The following LDLRAD3 variants were observed in gnomAD, a reference collection of about 807,000 sequenced individuals.
LDLRAD3 encodes low-density lipoprotein receptor class A domain-containing protein 3.
LDLRAD3 carries 20 observed loss-of-function variants against 29.4 expected under a neutral mutation model. That is an observed-to-expected ratio of 0.68 (90% CI 0.48 to 0.99). LDLRAD3 has a LOEUF of 0.99. Among genes scored for constraint, LDLRAD3 ranks in the 50% least tolerant of loss-of-function variants. The probability of loss-of-function intolerance (pLI) is 0.00; values close to 1 mark genes in which losing one functional copy is unlikely to be tolerated. For missense variants in LDLRAD3, 420 were observed against 454.3 expected, an observed-to-expected ratio of 0.92 and a Z score of 0.69; for synonymous variants, 157 against 192.7, an observed-to-expected ratio of 0.81 and a Z score of 1.53.
intron 1 of LDLRAD3, among the ~76,000 whole-genome samples, chr11:35,957,855 G>GTTATT (rs111861566): frequency 0.059 from 8,793 of 150,158 alleles, 814 homozygotes; most frequent in African/African-American, 0.2. Context: ...ACACATCTGT[G>GTTATT]TTATTTTAAG....
chr11:36,094,634 C>A (rs1379130080), intron 3 of LDLRAD3, among the ~76,000 whole-genome samples: 1 of 152,176 alleles, frequency 6.6e-6, no homozygotes, highest in Non-Finnish European at 1.5e-5. Context: ...CTCTCAGGCT[C>A]AAGTGATACT....
intron 4 of LDLRAD3, among the ~76,000 whole-genome samples, chr11:36,173,116 G>C (rs1472392488): frequency 6.6e-6 from 1 of 152,028 alleles, no homozygotes; most frequent in African/African-American, 2.4e-5. Context: ...GTGTGTGTAA[G>C]GGTATTCATA....
intron 1 of LDLRAD3, among the ~76,000 whole-genome samples, chr11:36,025,419 C>T (rs1383720401): frequency 1.0e-4 from 15 of 143,342 alleles, no homozygotes; most frequent in Non-Finnish European, 1.9e-4. Flanking sequence ...GATGGAGTCT[C>T]GCTCTCTCTC....
At chr11:36,070,761 C>T (rs895097436) in intron 2 of LDLRAD3, among the ~76,000 whole-genome samples, 5 of 152,138 alleles carry the variant, frequency 3.3e-5, no homozygotes, top group African/African-American at 1.2e-4. Context: ...CCTGGGGATC[C>T]TGCTGCAGGT....
At chr11:36,084,323 A>T (rs1256963551) in intron 3 of LDLRAD3, among the ~76,000 whole-genome samples, 1 of 152,172 alleles carries the variant, frequency 6.6e-6, no homozygotes, top group Non-Finnish European at 1.5e-5. Context: ...CCATTTAAAA[A>T]TAGTGGTTCT....
intron 4 of LDLRAD3, among the ~76,000 whole-genome samples, chr11:36,142,030 T>C (rs914591422): frequency 1.3e-5 from 2 of 152,246 alleles, no homozygotes; most frequent in African/African-American, 4.8e-5. Context: ...CAGGCTAACT[T>C]GTTCCATTTT....
intron 1 of LDLRAD3, among the ~76,000 whole-genome samples, chr11:35,987,187 A>G (rs1239221713): frequency 1.3e-5 from 2 of 152,240 alleles, no homozygotes; most frequent in Non-Finnish European, 1.5e-5. Context: ...GTTATGACAC[A>G]TTTGTATATC....
intron 4 of LDLRAD3, among the ~76,000 whole-genome samples, chr11:36,207,895 C>T (rs1855232251): frequency 6.6e-6 from 1 of 152,130 alleles, no homozygotes; most frequent in South Asian, 2.1e-4. Flanking sequence ...TTAGGTTTTA[C>T]TTTAACAACT....
At chr11:36,114,571 C>T (rs1853649051) in intron 4 of LDLRAD3, among the ~76,000 whole-genome samples, 1 of 152,190 alleles carries the variant, frequency 6.6e-6, no homozygotes, top group African/African-American at 2.4e-5. Context: ...GGTCAGTTGG[C>T]CTCAAATTTG....
rs576823608 is a variant in LDLRAD3 at position 35,948,469 on chromosome 11, T to C, written c.46+4325T>C. On this transcript the variant is annotated intron_variant, in intron 1 of 5. Coordinates refer to ENST00000315571, the MANE Select transcript of LDLRAD3 (RefSeq NM_174902.4). ...GTGTGTGTGTGTGTGTGTGTGTGTG[T>C]GCACATGCACACATGTGCATATGTA... Among the ~76,000 whole-genome samples the C allele has an allele frequency of 6.0e-3, 892 of 147,552 alleles. 5 individuals carry two copies. The highest frequency in any genetic ancestry group is 0.02 in the African/African-American group (800 of 39,934).
chr11:36,123,981 T>A (rs1367879762), intron 4 of LDLRAD3, among the ~76,000 whole-genome samples: 1 of 152,170 alleles, frequency 6.6e-6, no homozygotes, highest in Non-Finnish European at 1.5e-5. Context: ...CCTTCACAAC[T>A]GAAAGCAGAC....
chr11:36,048,010 T>G (rs1371808647), intron 2 of LDLRAD3, among the ~76,000 whole-genome samples: 1 of 141,882 alleles, frequency 7.0e-6, no homozygotes, highest in East Asian at 2.1e-4. Context: ...TGGCTCCTGG[T>G]GCATAGCAGG....
At chr11:36,150,699 G>T (rs1854266163) in intron 4 of LDLRAD3, among the ~76,000 whole-genome samples, 1 of 152,258 alleles carries the variant, frequency 6.6e-6, no homozygotes, top group East Asian at 1.9e-4. Flanking sequence ...AGGTTGCCGT[G>T]AGCCAAGATT....
intron 4 of LDLRAD3, among the ~76,000 whole-genome samples, chr11:36,128,686 T>C (rs568249784): frequency 1.3e-5 from 2 of 152,080 alleles, no homozygotes; most frequent in South Asian, 4.2e-4. Context: ...CCATCTCTAC[T>C]AAAAATACAA....
chr11:36,055,990 CTTTT>C (rs67731567), intron 2 of LDLRAD3, among the ~76,000 whole-genome samples: 14 of 95,350 alleles, frequency 1.5e-4, no homozygotes, highest in Non-Finnish European at 2.1e-4. Context: ...ACAGCTTGCC[CTTTT>C]TTTTTTTTTT....
chr11:36,224,478 T>C (rs1257531772), intron 4 of LDLRAD3, among the ~76,000 whole-genome samples: 1 of 152,222 alleles, frequency 6.6e-6, no homozygotes, highest in Non-Finnish European at 1.5e-5. Flanking sequence ...ATTGTCTCAC[T>C]GAGAACAGAC....
chr11:35,980,477 C>CT (rs1851526915), intron 1 of LDLRAD3, among the ~76,000 whole-genome samples: 1 of 152,132 alleles, frequency 6.6e-6, no homozygotes, highest in Non-Finnish European at 1.5e-5. Context: ...AGCTCCCCTA[C>CT]TGTGAAGGTT....
At chr11:36,058,184 C>T (rs1481411397) in intron 2 of LDLRAD3, among the ~76,000 whole-genome samples, 1 of 152,198 alleles carries the variant, frequency 6.6e-6, no homozygotes, top group African/African-American at 2.4e-5. Context: ...CAGCTCCTTC[C>T]CTCCTGCTCT....
intron 1 of LDLRAD3, among the ~76,000 whole-genome samples, chr11:35,974,027 TTGAG>T (rs754251578): frequency 1.3e-5 from 2 of 152,264 alleles, no homozygotes; most frequent in Non-Finnish European, 2.9e-5. Context: ...TTTTTCCCTA[TTGAG>T]TAATTAATCT....
Sources: gnomAD v4.1 joint callset for allele counts (sites outside exome capture counted in the v4.1 genomes callset) on GRCh38, gnomAD v4.1.1 for gene constraint, MANE v1.5 for transcripts, NCBI Gene and HGNC (gene_info 2026-07-23, HGNC 2026-07-21) for gene names.